The following ARHGAP19 variants were observed in gnomAD, a reference collection of about 807,000 sequenced individuals.
The protein encoded by ARHGAP19 is rho GTPase-activating protein 19.
ARHGAP19 carries 48 observed loss-of-function variants against 60.9 expected under a neutral mutation model. The ratio of observed to expected loss-of-function variants is 0.79; its 90% CI spans 0.62 to 1.00. ARHGAP19 has a LOEUF of 1.00. Ranked by LOEUF, ARHGAP19 falls within the 50% of genes least tolerant of loss-of-function variation. The pLI is 0.00. For missense variants in ARHGAP19, 562 were observed against 597.2 expected, an observed-to-expected ratio of 0.94 and a Z score of 0.61; for synonymous variants, 209 against 215.5, an observed-to-expected ratio of 0.97 and a Z score of 0.27.
At chr10:97,243,216 T>C (rs963689684) in intron 8 of ARHGAP19, among the ~76,000 whole-genome samples, 1 of 152,184 alleles carries the variant, frequency 6.6e-6, no homozygotes, top group African/African-American at 2.4e-5. Context: ...GGCCTTATGC[T>C]GAGAGTAGGT....
At chr10:97,285,613 C>T (rs893738593) in intron 1 of ARHGAP19, among the ~76,000 whole-genome samples, 1 of 151,270 alleles carries the variant, frequency 6.6e-6, no homozygotes, top group African/African-American at 2.4e-5. Context: ...CCTCCAGCTC[C>T]CAGGTTCAAG....
At chr10:97,273,438 T>C (rs547835606) in intron 1 of ARHGAP19, among the ~76,000 whole-genome samples, 9 of 150,082 alleles carry the variant, frequency 6.0e-5, no homozygotes, top group East Asian at 2.0e-4. Context: ...GCTGGAATTA[T>C]AGGCATGAGC....
chr10:97,284,342 C>T (rs192460830), intron 1 of ARHGAP19, among the ~76,000 whole-genome samples: 262 of 152,106 alleles, frequency 1.7e-3, no homozygotes, highest in Non-Finnish European at 3.1e-3. Context: ...AGGCTGGTCT[C>T]GAACTACTGA....
chr10:97,281,219 C>CAAA (rs56674405), intron 1 of ARHGAP19, among the ~76,000 whole-genome samples: 7 of 131,734 alleles, frequency 5.3e-5, no homozygotes, highest in East Asian at 2.2e-4. Flanking sequence ...TCTGTCACTA[C>CAAA]AAAAAAAAAA....
At chr10:97,260,904 G>A (rs1484257583) in intron 4 of ARHGAP19, among the ~76,000 whole-genome samples, 2 of 148,804 alleles carry the variant, frequency 1.3e-5, no homozygotes, top group East Asian at 3.9e-4. Flanking sequence ...GACCAGCCTG[G>A]GCAACATGGT....
At chr10:97,253,648 G>A (rs1041255355) in intron 6 of ARHGAP19, among the ~76,000 whole-genome samples, 12 of 152,126 alleles carry the variant, frequency 7.9e-5, no homozygotes, top group Admixed American at 5.9e-4. Context: ...GACTTGAAAT[G>A]TCCCCAACAC....
At chr10:97,252,466 C>CA (rs533514182) in intron 6 of ARHGAP19, among the ~76,000 whole-genome samples, 580 of 150,386 alleles carry the variant, frequency 3.9e-3, no homozygotes, top group Non-Finnish European at 6.8e-3. Flanking sequence ...ACTAAAAATA[C>CA]AAAAAAAATT....
intron 8 of ARHGAP19, among the ~76,000 whole-genome samples, chr10:97,242,152 T>C (rs1842494253): frequency 6.6e-6 from 1 of 150,928 alleles, no homozygotes; most frequent in South Asian, 2.1e-4. Flanking sequence ...GTATATGATA[T>C]GATCATAACT....
At chr10:97,272,332 A>G (rs950843287) in intron 1 of ARHGAP19, among the ~76,000 whole-genome samples, 1 of 151,850 alleles carries the variant, frequency 6.6e-6, no homozygotes, top group Non-Finnish European at 1.5e-5. Context: ...ATGGGATTTC[A>G]TCGTGTTGCC....
intron 7 of ARHGAP19, 50 bp downstream of exon 7, chr10:97,246,222 A>G (rs372391558): frequency 6.8e-7 from 1 of 1,479,510 alleles, no homozygotes. Flanking sequence ...AAGACTCCAC[A>G]AATCTTAATG....
rs71007330 is a variant in ARHGAP19, at chr10:97,279,495, T to TTTTGTTTG, written c.56+13069_56+13076dup. On this transcript the variant is annotated intron_variant, in intron 1 of 11. Transcript: ENST00000358531. Reference sequence around the variant, plus strand: ...TTGCTTTTGTGTGTGTGTGTGTGCGTTTTGTTTGTTTGTTTGAGGCTGGGT... The same window carrying TTTTGTTTG: ...TTGCTTTTGTGTGTGTGTGTGTGCGTTTTGTTTGTTTGTTTGTTTGTTTGAGGCTGGGT... Among the ~76,000 whole-genome samples, 6 of 150,870 alleles carry TTTTGTTTG rather than the reference T, an allele frequency of 4.0e-5. 1 individual carries two copies. The highest frequency in any genetic ancestry group is 7.3e-5 in the African/African-American group (3 of 41,000).
At chr10:97,254,029 T>C (rs1156555205) in intron 6 of ARHGAP19, among the ~76,000 whole-genome samples, 1 of 152,074 alleles carries the variant, frequency 6.6e-6, no homozygotes, top group African/African-American at 2.4e-5. Flanking sequence ...CATAAATAAA[T>C]GGAAAAGTAT....
intron 6 of ARHGAP19, among the ~76,000 whole-genome samples, chr10:97,254,786 G>T (rs1043764877): frequency 6.6e-6 from 1 of 152,130 alleles, no homozygotes; most frequent in African/African-American, 2.4e-5. Flanking sequence ...CCATATAGCT[G>T]ATAAAGGATG....
Position 97,244,076 on chromosome 10 carries a change from G to A in ARHGAP19, c.1077C>T (p.Cys359=). Residue 359 remains cysteine (C), a synonymous_variant, in exon 8 of 12, where the codon TGC becomes TGT. Coordinates refer to ENST00000358531, the MANE Select transcript of ARHGAP19 (RefSeq NM_032900.6). The stretch of plus-strand genomic sequence containing the variant: ...GGTGCTGGGTCTCCTCCTGGTGAGG[G>A]CAGGAATCTACCCGGTTCCGTTTCT... ...KSQKRNRVDS[C]PHQEETQHHT... The A allele has an allele frequency of 1.9e-6, 3 of 1,613,956 alleles. No homozygotes were observed. The highest frequency in any genetic ancestry group is 2.5e-6 in the Non-Finnish European group (3 of 1,179,942).
intron 1 of ARHGAP19, among the ~76,000 whole-genome samples, chr10:97,284,032 C>T (rs568047288): frequency 6.6e-6 from 1 of 152,064 alleles, no homozygotes; most frequent in South Asian, 2.1e-4. Context: ...CTCCTAGGTT[C>T]AAGCAATCTT....
intron 5 of ARHGAP19, 192 bp from the exon 6 acceptor site, chr10:97,256,596 A>T: frequency 2.2e-6 from 1 of 453,372 alleles, no homozygotes; most frequent in Non-Finnish European, 3.9e-6. Flanking sequence ...GTGTCCCTGA[A>T]GTGACGAGGA....
intron 7 of ARHGAP19, among the ~76,000 whole-genome samples, 182 bp downstream of exon 7, chr10:97,246,090 A>G (rs766083766): frequency 1.3e-5 from 2 of 152,184 alleles, no homozygotes; most frequent in Non-Finnish European, 2.9e-5. Context: ...GAGCATTTGT[A>G]TTCTAATACA....
At chr10:97,253,080 T>C (rs184295208) in intron 6 of ARHGAP19, among the ~76,000 whole-genome samples, 1 of 152,220 alleles carries the variant, frequency 6.6e-6, no homozygotes, top group Non-Finnish European at 1.5e-5. Context: ...TTCTCACTCA[T>C]ATGTAGGACC....
chr10:97,237,643 G>T (rs1271990959), intron 8 of ARHGAP19, among the ~76,000 whole-genome samples: 3 of 152,148 alleles, frequency 2.0e-5, no homozygotes, highest in Non-Finnish European at 4.4e-5. Context: ...GGCCAAGACA[G>T]GTGGGTCACT....
Sources: allele counts gnomAD v4.1 joint callset (sites outside exome capture counted in the v4.1 genomes callset), GRCh38; gene constraint gnomAD v4.1.1; transcripts MANE v1.5; gene names NCBI Gene and HGNC (gene_info 2026-07-23, HGNC 2026-07-21).